Variants in FMN1 observed in about 807,000 individuals in gnomAD.
The protein encoded by FMN1 is formin 1, also known as formin-1.
A neutral mutation model predicts 132.4 loss-of-function variants in FMN1; 110 were observed. That is an observed-to-expected ratio of 0.83 (90% CI 0.71 to 0.97). FMN1 has a LOEUF of 0.97. Among genes scored for constraint, FMN1 ranks in the 50% least tolerant of loss-of-function variants. FMN1 has a pLI of 0.00. For missense variants in FMN1, 1,792 were observed against 1,705.3 expected (o/e 1.05, Z -0.90); for synonymous variants, 722 against 651.7 (o/e 1.11, Z -1.64).
chr15:33,130,771 C>T (rs1963507813), intron 4 of FMN1, among the ~76,000 whole-genome samples: 1 of 152,186 alleles, frequency 6.6e-6, no homozygotes, highest in African/African-American at 2.4e-5. Flanking sequence ...AAAACACTTA[C>T]ATTTGCTTGT....
At chr15:33,045,153 C>T (rs900324546) in intron 6 of FMN1, among the ~76,000 whole-genome samples, 2 of 152,240 alleles carry the variant, frequency 1.3e-5, no homozygotes, top group Non-Finnish European at 2.9e-5. Context: ...GTGGAAGCTG[C>T]TTGTGGTACA....
chr15:33,067,177 T>A (rs1178367639), intron 5 of FMN1: 1 of 1,613,834 alleles, frequency 6.2e-7, no homozygotes, highest in South Asian at 1.1e-5. Context: ...ACCCTTCTTC[T>A]CCCACCTGGT....
chr15:33,133,715 T>C (rs1196169869), intron 4 of FMN1, among the ~76,000 whole-genome samples: 2 of 152,182 alleles, frequency 1.3e-5, no homozygotes, highest in Non-Finnish European at 2.9e-5. Context: ...GGAAGGAACA[T>C]TAACGTTTCT....
intron 4 of FMN1, among the ~76,000 whole-genome samples, chr15:33,132,527 G>A (rs1963592382): frequency 6.6e-6 from 1 of 152,112 alleles, no homozygotes; most frequent in Non-Finnish European, 1.5e-5. Context: ...TTAGAGCTCT[G>A]TAAGTCACAG....
intron 2 of FMN1, among the ~76,000 whole-genome samples, chr15:33,180,978 T>C (rs2140340846): frequency 6.6e-6 from 1 of 152,286 alleles, no homozygotes; most frequent in East Asian, 1.9e-4. Flanking sequence ...CTTGAACTCC[T>C]GACCTCAAGT....
chr15:33,010,404 G>A (rs1008162340), intron 6 of FMN1, among the ~76,000 whole-genome samples: 2 of 152,082 alleles, frequency 1.3e-5, no homozygotes, highest in African/African-American at 2.4e-5. Context: ...GATTATGGTG[G>A]TTGTTACATG....
chr15:32,841,007 A>T (rs183421879), intron 17 of FMN1, among the ~76,000 whole-genome samples: 45 of 152,198 alleles, frequency 3.0e-4, no homozygotes, highest in African/African-American at 8.9e-4. Flanking sequence ...AAATTTAAAA[A>T]CAAACAAACC....
At chr15:32,966,204 C>T (rs2031208315) in intron 8 of FMN1, among the ~76,000 whole-genome samples, 1 of 152,098 alleles carries the variant, frequency 6.6e-6, no homozygotes. Flanking sequence ...GAGGTCAGGC[C>T]AGTGTAACTA....
At chr15:33,064,790 A>G (rs1293727292) in intron 6 of FMN1, 167 bp downstream of exon 6, 3 of 484,550 alleles carry the variant, frequency 6.2e-6, no homozygotes, top group Non-Finnish European at 1.1e-5. Context: ...GCTCGTTAAC[A>G]ATAAGTGTGC....
intron 4 of FMN1, among the ~76,000 whole-genome samples, chr15:33,093,915 G>C (rs950708426): frequency 6.6e-6 from 1 of 152,186 alleles, no homozygotes; most frequent in South Asian, 2.1e-4. Context: ...AAAGAATCTT[G>C]TATATCTCCC....
chr15:33,045,111 T>G (rs71462843), intron 6 of FMN1, among the ~76,000 whole-genome samples: 2,629 of 152,296 alleles, frequency 0.017, 36 homozygotes, highest in Non-Finnish European at 0.024. Context: ...CTCCCAAGAT[T>G]CCAGGTGCCA....
At chr15:33,055,856 G>A (rs530873837) in intron 6 of FMN1, among the ~76,000 whole-genome samples, 1 of 152,146 alleles carries the variant, frequency 6.6e-6, no homozygotes, top group East Asian at 1.9e-4. Flanking sequence ...TAACCAAAGA[G>A]CTCAAATCCA....
intron 18 of FMN1, among the ~76,000 whole-genome samples, chr15:32,800,306 ATG>A (rs1567186682): frequency 6.6e-6 from 1 of 151,962 alleles, no homozygotes; most frequent in Non-Finnish European, 1.5e-5. Flanking sequence ...AAGACTGGAA[ATG>A]TGTAAGTGGA....
intron 2 of FMN1, among the ~76,000 whole-genome samples, chr15:33,181,654 T>C (rs1395407099): frequency 1.3e-5 from 2 of 152,162 alleles, no homozygotes; most frequent in Non-Finnish European, 2.9e-5. Flanking sequence ...TGGAGAGTTT[T>C]GCATTGCGGA....
chr15:32,930,316 T>A (rs1296029461), intron 9 of FMN1, among the ~76,000 whole-genome samples: 1 of 152,120 alleles, frequency 6.6e-6, no homozygotes, highest in Non-Finnish European at 1.5e-5. Flanking sequence ...AACTTCATAC[T>A]GTTTTCCATA....
chr15:32,788,509 G>C (rs1391442282), intron 19 of FMN1, among the ~76,000 whole-genome samples: 1 of 152,170 alleles, frequency 6.6e-6, no homozygotes, highest in Non-Finnish European at 1.5e-5. Flanking sequence ...CTGTTTGCAT[G>C]GGTGACTGGA....
At chr15:32,985,258 G>A (rs1385941887) in intron 7 of FMN1, among the ~76,000 whole-genome samples, 1 of 152,068 alleles carries the variant, frequency 6.6e-6, no homozygotes, top group African/African-American at 2.4e-5. Flanking sequence ...ACTCTGCACA[G>A]CTTATCTTGA....
At chr15:32,957,299 T>A (rs1455966991) in intron 9 of FMN1, among the ~76,000 whole-genome samples, 1 of 23,650 alleles carries the variant, frequency 4.2e-5, no homozygotes. Context: ...AGAGCAGTTC[T>A]TTTTTTTTTT....
intron 6 of FMN1, among the ~76,000 whole-genome samples, chr15:33,045,865 C>G (rs975135342): frequency 6.6e-6 from 1 of 152,130 alleles, no homozygotes; most frequent in Non-Finnish European, 1.5e-5. Flanking sequence ...AACCTGAAAA[C>G]AAAGCCAATA....
Sources: allele counts gnomAD v4.1 joint callset (sites outside exome capture counted in the v4.1 genomes callset), GRCh38; gene constraint gnomAD v4.1.1; transcripts MANE v1.5; gene names NCBI Gene and HGNC (gene_info 2026-07-23, HGNC 2026-07-21).